The following KYNU variants were observed in gnomAD, a reference collection of about 807,000 sequenced individuals.
KYNU encodes the protein kynureninase.
In KYNU, 54 loss-of-function variants were observed where a neutral mutation model predicts 59.2. The ratio of observed to expected loss-of-function variants is 0.91; its 90% confidence interval spans 0.73 to 1.14. KYNU has a LOEUF of 1.14. Among genes scored for constraint, KYNU ranks in the 50% most tolerant of loss-of-function variants. KYNU has a pLI of 0.00. For missense variants in KYNU, 567 were observed against 554.4 expected, an observed-to-expected ratio of 1.02 and a Z score of -0.23; for synonymous variants, 177 against 192.0, an observed-to-expected ratio of 0.92 and a Z score of 0.65.
intron 8 of KYNU, among the ~76,000 whole-genome samples, chr2:142,966,913 G>A (rs1684558758): frequency 6.6e-6 from 1 of 151,712 alleles, no homozygotes; most frequent in African/African-American, 2.4e-5. Flanking sequence ...GATTTTTTAG[G>A]CAGAAAGTGA....
At chr2:142,891,333 A>G (rs1193966360) in intron 2 of KYNU, among the ~76,000 whole-genome samples, 1 of 152,116 alleles carries the variant, frequency 6.6e-6, no homozygotes, top group African/African-American at 2.4e-5. Flanking sequence ...ATTTTGATCT[A>G]TATAGAAGAT....
chr2:142,916,961 T>C (rs184027347), intron 2 of KYNU, among the ~76,000 whole-genome samples: 47 of 152,268 alleles, frequency 3.1e-4, no homozygotes, highest in Admixed American at 2.1e-3. Flanking sequence ...AAGAGGACCA[T>C]TGAGAAACTG....
chr2:142,882,330 C>T (rs1214753562), intron 1 of KYNU, among the ~76,000 whole-genome samples: 1 of 147,830 alleles, frequency 6.8e-6, no homozygotes, highest in African/African-American at 2.5e-5. Context: ...CCCTTTTCAA[C>T]TTTTTTTTTT....
chr2:142,987,565 G>T lies in KYNU; in HGVS notation c.902+1544G>T, dbSNP rs115740846. On this transcript the variant is annotated intron_variant, in intron 10 of 13. Coordinates refer to ENST00000264170, the MANE Select transcript of KYNU (RefSeq NM_003937.3). ...GAGAAAGACCATCTAGGCAGACCAG[G>T]TTCACAGTTCAGCTTGGTCTTTCAG... is the stretch of plus-strand genomic sequence containing the variant. 7.8e-3 allele frequency among the ~76,000 whole-genome samples: 1,191 copies of T among 152,062 alleles called. 9 individuals are homozygous for T. The highest frequency in any genetic ancestry group is 0.028 in the African/African-American group (1,143 of 41,518).
Position 142,968,642 on chromosome 2 carries a change from C to T in KYNU, c.729+7872C>T, listed in dbSNP as rs192254071. ...TGAAAACTCTCTGTTGCGTGGGCGCCGTAGCTCACGCCTGTAGTCCCAGCA... is the reference window on the plus strand; with the variant it reads ...TGAAAACTCTCTGTTGCGTGGGCGCTGTAGCTCACGCCTGTAGTCCCAGCA... On this transcript the variant is annotated intron_variant, in intron 8 of 13. Transcript: ENST00000264170. 7.9e-4 allele frequency among the ~76,000 whole-genome samples: 120 copies of T among 152,216 alleles called. 1 individual carries two copies. Among genetic ancestry groups the T allele is most frequent in the African/African-American group, 2.8e-3 (117 of 41,532 alleles).
chr2:142,924,763 C>T (rs1415514279), intron 3 of KYNU, among the ~76,000 whole-genome samples: 3 of 152,180 alleles, frequency 2.0e-5, no homozygotes, highest in Non-Finnish European at 4.4e-5. Flanking sequence ...ATCTATGCTG[C>T]GACTATTTTA....
intron 1 of KYNU, 24 bp downstream of exon 1, chr2:142,877,760 A>T (rs1368760468): frequency 6.6e-6 from 1 of 151,450 alleles, no homozygotes; most frequent in African/African-American, 2.4e-5. Context: ...GCTGATAAAA[A>T]CTCTCTACCC....
chr2:142,947,814 C>T (rs1683847467), intron 4 of KYNU: 1 of 152,396 alleles, frequency 6.6e-6, no homozygotes, highest in African/African-American at 2.4e-5. Flanking sequence ...CTTTTGCTGG[C>T]ATCATCTACA....
intron 8 of KYNU, among the ~76,000 whole-genome samples, chr2:142,978,627 G>T (rs1193083517): frequency 6.6e-6 from 1 of 152,152 alleles, no homozygotes; most frequent in Admixed American, 6.6e-5. Flanking sequence ...GATATTCGCA[G>T]ACACCTCTCA....
chr2:143,007,355 G>A (rs1246886095), intron 10 of KYNU, among the ~76,000 whole-genome samples: 2 of 149,770 alleles, frequency 1.3e-5, no homozygotes, highest in Non-Finnish European at 2.9e-5. Flanking sequence ...GAAGTTTAGA[G>A]AAAAACGAAT....
intron 10 of KYNU, among the ~76,000 whole-genome samples, chr2:142,993,050 G>A (rs191992048): frequency 1.3e-5 from 2 of 152,076 alleles, no homozygotes; most frequent in East Asian, 3.9e-4. Context: ...GCTTGAGCAA[G>A]GAGGTGGGGA....
intron 2 of KYNU, among the ~76,000 whole-genome samples, chr2:142,913,500 C>G (rs565672839): frequency 7.2e-5 from 11 of 152,198 alleles, no homozygotes; most frequent in Non-Finnish European, 1.3e-4. Flanking sequence ...TAATAGTGTA[C>G]TTCTGAGAGA....
At position 143,044,449 on chromosome 2, in the gene KYNU, A is replaced by G. The variant is rs1687132148; in HGVS notation, c.*2277A>G. ...GGTTGAACTAATTTATACTCCCACC[A>G]ACAGTGTAAAAGCATTCCTATTTCT... On this transcript the variant is annotated 3_prime_UTR_variant, in exon 14 of 14. Transcript: ENST00000264170. The G allele has an allele frequency of 6.6e-6, 1 of 152,180 alleles. No individual in the cohort carries two copies. Among genetic ancestry groups the G allele is most frequent in the African/African-American group, 2.4e-5 (1 of 41,444 alleles). 9.4% of individuals were successfully genotyped at this position (152,180 alleles called of 1,614,324 possible). A position where few individuals can be genotyped will look rare whatever the true frequency, so the allele number is the denominator to read the frequency against.
At chr2:142,944,672 T>TA (rs1167424402) in intron 4 of KYNU, among the ~76,000 whole-genome samples, 9 of 151,928 alleles carry the variant, frequency 5.9e-5, no homozygotes, top group East Asian at 1.9e-4. Flanking sequence ...TGGTTAACTT[T>TA]TAAAAAAAAA....
At chr2:142,990,390 C>A (rs10496938) in intron 10 of KYNU, among the ~76,000 whole-genome samples, 2 of 151,784 alleles carry the variant, frequency 1.3e-5, no homozygotes, top group Non-Finnish European at 2.9e-5. Flanking sequence ...TCATGGCACA[C>A]TTTAGAGGAC....
At chr2:142,927,797 G>A in intron 4 of KYNU, 56 bp downstream of exon 4, 1 of 1,174,778 alleles carries the variant, frequency 8.5e-7, no homozygotes, top group Admixed American at 1.7e-5. Flanking sequence ...TTATCATTTA[G>A]TTATAAACAC....
Position 142,879,828 on chromosome 2 carries a change from T to C in KYNU, c.-20+2092T>C, listed in dbSNP as rs74430915. 4.3e-3 allele frequency among the ~76,000 whole-genome samples: 649 copies of C among 152,308 alleles called. 13 individuals are homozygous for C. The highest frequency in any genetic ancestry group is 0.041 in the East Asian group (214 of 5,176). ...GATAGAATGACGCTAATGAGTATCATTTTTAAAATAAGGAAAGTTGAATTT... is the reference window on the plus strand; with the variant it reads ...GATAGAATGACGCTAATGAGTATCACTTTTAAAATAAGGAAAGTTGAATTT... On this transcript the variant is annotated intron_variant, in intron 1 of 13. Transcript: ENST00000264170.
At chr2:143,019,692 CCCT>C (rs1686354673) in intron 10 of KYNU, among the ~76,000 whole-genome samples, 1 of 152,054 alleles carries the variant, frequency 6.6e-6, no homozygotes, top group African/African-American at 2.4e-5. Context: ...TGAAAGTATT[CCCT>C]CCTCTTAAAT....
chr2:142,886,236 A>G (rs1211994504), intron 2 of KYNU, among the ~76,000 whole-genome samples: 1 of 152,208 alleles, frequency 6.6e-6, no homozygotes, highest in African/African-American at 2.4e-5. Flanking sequence ...GAATTAGTCT[A>G]CCAAACTGGG....
Sources: gnomAD v4.1 joint callset for allele counts (sites outside exome capture counted in the v4.1 genomes callset) on GRCh38, gnomAD v4.1.1 for gene constraint, MANE v1.5 for transcripts, NCBI Gene and HGNC (gene_info 2026-07-23, HGNC 2026-07-21) for gene names.